TLCD4: variants seen among roughly 807,000 people sequenced by gnomAD.
The protein encoded by TLCD4 is TLC domain containing 4, also known as TLC domain-containing protein 4.
A neutral mutation model predicts 24.2 loss-of-function variants in TLCD4; 7 were observed. The observed-to-expected ratio is 0.29, with a 90% CI of 0.16 to 0.54. The LOEUF is 0.54. TLCD4 is among the 20% of genes least tolerant of loss of function. The pLI is 0.95. For missense variants in TLCD4, 259 were observed against 313.9 expected, an observed-to-expected ratio of 0.82 and a Z score of 1.32; for synonymous variants, 103 against 106.4, an observed-to-expected ratio of 0.97 and a Z score of 0.20.
intron 3 of TLCD4, among the ~76,000 whole-genome samples, 166 bp from the exon 4 acceptor site, chr1:95,150,042 T>A (rs913570319): frequency 6.6e-6 from 1 of 152,194 alleles, no homozygotes; most frequent in African/African-American, 2.4e-5. Context: ...CGTCACAGTT[T>A]GGCTAAACTG....
At chr1:95,116,993 A>C (rs995118876), upstream of TLCD4, among the ~76,000 whole-genome samples, 1 of 152,228 alleles carries the variant, frequency 6.6e-6, no homozygotes, top group Non-Finnish European at 1.5e-5. Flanking sequence ...TCTAACCATG[A>C]AGTCCCCAGT....
chr1:95,134,408 G>A (rs71654410), intron 1 of TLCD4, among the ~76,000 whole-genome samples: 10,059 of 152,230 alleles, frequency 0.066, 403 homozygotes, highest in Non-Finnish European at 0.089. Flanking sequence ...AATAAGGCCT[G>A]AAGGGGCAGA....
intron 1 of TLCD4, among the ~76,000 whole-genome samples, chr1:95,126,396 C>G (rs894900163): frequency 6.7e-6 from 1 of 149,292 alleles, no homozygotes; most frequent in African/African-American, 2.5e-5. Context: ...CCACTGCACT[C>G]CAGCCCAGGT....
chr1:95,119,912 C>T (rs952305366), intron 1 of TLCD4, among the ~76,000 whole-genome samples: 5 of 150,826 alleles, frequency 3.3e-5, no homozygotes, highest in Admixed American at 6.6e-5. Flanking sequence ...GAAGAGTAAA[C>T]TGAACAGTCT....
chr1:95,125,728 C>T (rs987104141), intron 1 of TLCD4: 1 of 152,200 alleles, frequency 6.6e-6, no homozygotes, highest in African/African-American at 2.4e-5. Context: ...AAACAAGCTG[C>T]AGGGCCCTTA....
intron 2 of TLCD4, among the ~76,000 whole-genome samples, chr1:95,146,572 G>A (rs1180750282): frequency 6.6e-6 from 1 of 151,862 alleles, no homozygotes; most frequent in African/African-American, 2.4e-5. Context: ...ATTTTATCTT[G>A]GGTAATATCT....
intron 5 of TLCD4, among the ~76,000 whole-genome samples, chr1:95,170,497 T>C (rs1355978163): frequency 6.6e-6 from 1 of 151,872 alleles, no homozygotes; most frequent in African/African-American, 2.4e-5. Context: ...GCCTGGCTAA[T>C]TTTTTGTATT....
chr1:95,165,246 T>C (rs1316640446), intron 5 of TLCD4: 1 of 152,228 alleles, frequency 6.6e-6, no homozygotes, highest in Non-Finnish European at 1.5e-5. Context: ...GTTCTGAAGA[T>C]GTTTTTATTC....
chr1:95,150,564 G>A (rs577970785), intron 4 of TLCD4, among the ~76,000 whole-genome samples: 2 of 152,102 alleles, frequency 1.3e-5, no homozygotes, highest in South Asian at 4.1e-4. Flanking sequence ...TGTAATGACT[G>A]TGAAACTAAC....
intron 5 of TLCD4, among the ~76,000 whole-genome samples, chr1:95,160,758 A>G (rs1256258901): frequency 6.6e-6 from 1 of 152,208 alleles, no homozygotes; most frequent in African/African-American, 2.4e-5. Context: ...TATTGAGATA[A>G]TCATGTGGTT....
At chr1:95,149,213 T>C (rs1677428212) in intron 3 of TLCD4, among the ~76,000 whole-genome samples, 1 of 152,226 alleles carries the variant, frequency 6.6e-6, no homozygotes, top group South Asian at 2.1e-4. Context: ...GAGTTACAGA[T>C]GGCCATGTGA....
chr1:95,111,157 G>T, the TLCD4 span, among the ~76,000 whole-genome samples: 1 of 151,806 alleles, frequency 6.6e-6, no homozygotes, highest in African/African-American at 2.4e-5. Flanking sequence ...GATTATCTGG[G>T]TGTGGTAGTG....
chr1:95,156,693 A>C (rs528264573), intron 5 of TLCD4, among the ~76,000 whole-genome samples: 2 of 152,168 alleles, frequency 1.3e-5, no homozygotes, highest in South Asian at 2.1e-4. Context: ...AATCTGACTC[A>C]TTTTGCAGTG....
rs368374303 is a variant in TLCD4, at chr1:95,185,902, A to G, written c.474-5648A>G. Among the ~76,000 whole-genome samples, 8 of 152,304 alleles carry G rather than the reference A, an allele frequency of 5.3e-5. 1 individual carries two copies. Among genetic ancestry groups the G allele is most frequent in the African/African-American group, 1.9e-4 (8 of 41,566 alleles). The stretch of plus-strand genomic sequence containing the variant: ...GCTCAAGAATTAACTGTATATCAGT[A>G]AGAAACCAGATGCTCTGATGGGATT... On this transcript the variant is annotated intron_variant, in intron 6 of 6. Coordinates refer to ENST00000370203, the MANE Select transcript of TLCD4 (RefSeq NM_152487.3).
At chr1:95,115,961 T>C (rs753057214), upstream of TLCD4, among the ~76,000 whole-genome samples, 9 of 152,184 alleles carry the variant, frequency 5.9e-5, no homozygotes, top group Non-Finnish European at 1.2e-4. Flanking sequence ...ACAAGGTAGC[T>C]ATTGCGCAAA....
intron 1 of TLCD4, among the ~76,000 whole-genome samples, chr1:95,137,910 T>C (rs1571734923): frequency 6.6e-6 from 1 of 152,188 alleles, no homozygotes; most frequent in East Asian, 1.9e-4. Context: ...CTAATTTTTC[T>C]ATTTTTTGTA....
At chr1:95,147,649 A>G (rs1677387950) in intron 2 of TLCD4, among the ~76,000 whole-genome samples, 1 of 152,204 alleles carries the variant, frequency 6.6e-6, no homozygotes, top group African/African-American at 2.4e-5. Context: ...ACCTAATATT[A>G]GTTGATATAT....
chr1:95,131,410 T>G (rs1676886468), intron 1 of TLCD4, among the ~76,000 whole-genome samples: 1 of 152,150 alleles, frequency 6.6e-6, no homozygotes, highest in Admixed American at 6.5e-5. Flanking sequence ...CCATGTTAGC[T>G]GGAATGCAGT....
chr1:95,093,391 G>A, the TLCD4 span, among the ~76,000 whole-genome samples: 1 of 152,202 alleles, frequency 6.6e-6, no homozygotes. Context: ...TTCTAACCTT[G>A]CATATTGGGT....
Sources: allele counts gnomAD v4.1 joint callset (sites outside exome capture counted in the v4.1 genomes callset), GRCh38; gene constraint gnomAD v4.1.1; transcripts MANE v1.5; gene names NCBI Gene and HGNC (gene_info 2026-07-23, HGNC 2026-07-21).